The following ARRDC2 variants were observed in gnomAD, a reference collection of about 807,000 sequenced individuals.
ARRDC2 encodes the protein arrestin domain containing 2.
A neutral mutation model predicts 38.9 loss-of-function variants in ARRDC2; 39 were observed. The observed-to-expected ratio is 1.00, with a 90% confidence interval of 0.78 to 1.31. ARRDC2 has a LOEUF of 1.31. Among genes scored for constraint, ARRDC2 ranks in the 50% most tolerant of loss-of-function variants. The pLI is 0.00. For synonymous variants in ARRDC2, 300 were observed against 261.9 expected, an observed-to-expected ratio of 1.15 and a Z score of -1.41; for missense variants, 553 against 588.4, an observed-to-expected ratio of 0.94 and a Z score of 0.62.
upstream of ARRDC2, among the ~76,000 whole-genome samples, chr19:18,006,871 C>T (rs1227673547): frequency 6.6e-6 from 1 of 152,142 alleles, no homozygotes; most frequent in Non-Finnish European, 1.5e-5. Context: ...GGCCTACTGT[C>T]TCCCCTCTAG....
In ARRDC2 at chr19:18,008,180, T is replaced by C. The variant is rs2033321393; in HGVS notation, c.-131T>C. The C allele has an allele frequency of 3.3e-6, 4 of 1,216,916 alleles. No individual in the cohort carries two copies. The Admixed American group carries it at 1.2e-4, about 37-fold the overall frequency. The allele number at this position is 1,216,916 out of a possible 1,614,324, so 75.4% of individuals were successfully genotyped here. A position where few individuals can be genotyped will look rare whatever the true frequency, so the allele number is the denominator to read the frequency against. ...GACGCACGGCGCGGGGATTTTCTGC[T>C]CCGGTTGGTGAGCGCGCCTGCGCGT... On this transcript the variant is annotated 5_prime_UTR_variant, in exon 1 of 8. Transcript: ENST00000222250.
At position 18,009,712 on chromosome 19, in the gene ARRDC2, C is replaced by G; in HGVS notation, c.592+18C>G. 4 of 1,612,184 alleles carry G rather than the reference C, an allele frequency of 2.5e-6. No homozygotes were observed. The highest frequency in any genetic ancestry group is 2.5e-6 in the Non-Finnish European group (3 of 1,179,084). ...CACCCCAGGTAGCAGGCGGACCGGA[C>G]TGGGTTGGGACGGGGGCTGGTGTTG... On this transcript the variant is annotated intron_variant, in intron 4 of 7. Coordinates refer to ENST00000222250, the MANE Select transcript of ARRDC2 (RefSeq NM_015683.2).
upstream of ARRDC2, chr19:18,007,961 G>A (rs1197434984): frequency 2.3e-6 from 1 of 428,826 alleles, no homozygotes; most frequent in East Asian, 6.1e-5. Flanking sequence ...AGCTCTGGCA[G>A]CCTAAGGGCT....
chr19:18,004,245 CTTT>C (rs34248029), upstream of ARRDC2, among the ~76,000 whole-genome samples: 5 of 114,778 alleles, frequency 4.4e-5, no homozygotes, highest in Admixed American at 8.7e-5. Context: ...GCCGGGCTAA[CTTT>C]TTTTTTTTTT....
At chr19:18,005,624 A>AC (rs1462055998), upstream of ARRDC2, among the ~76,000 whole-genome samples, 69 of 143,058 alleles carry the variant, frequency 4.8e-4, 1 homozygote, top group South Asian at 1.8e-3. Context: ...TGGGGGGCTG[A>AC]CCCCCCGACC....
Position 18,012,978 on chromosome 19 carries a change from A to T in ARRDC2, c.*12A>T. On this transcript the variant is annotated 3_prime_UTR_variant, in exon 8 of 8. Coordinates refer to ENST00000222250, the MANE Select transcript of ARRDC2 (RefSeq NM_015683.2). ...GCATGACTTGCTGAACGGCACAGGG[A>T]CCCCTCGAGGAACAAGGTTGCACAC... 1 of 1,613,402 alleles carries T rather than the reference A, an allele frequency of 6.2e-7. No homozygotes were observed. The highest frequency in any genetic ancestry group is 8.5e-7 in the Non-Finnish European group (1 of 1,179,798).
upstream of ARRDC2, chr19:18,007,829 A>T (rs1306123439): frequency 9.5e-6 from 2 of 209,896 alleles, no homozygotes; most frequent in Non-Finnish European, 1.9e-5. Context: ...AGTCACGTCA[A>T]CGAGGGGCGG....
exon 1 of ARRDC2, chr19:18,001,295 C>T (rs1418777272): frequency 6.7e-6 from 8 of 1,195,810 alleles, no homozygotes; most frequent in African/African-American, 3.2e-5. Flanking sequence ...GTGTCCAAAC[C>T]GTGTCCCCAG....
upstream of ARRDC2, chr19:18,008,116 A>ACGCCCCCC: frequency 1.1e-5 from 6 of 522,496 alleles, no homozygotes; most frequent in Non-Finnish European, 1.2e-5. Flanking sequence ...AGAGACGGTG[A>ACGCCCCCC]CCCCACCCCC....
At chr19:18,010,810 T>G (rs557882420) in intron 7 of ARRDC2, 81 bp downstream of exon 7, 2 of 1,435,040 alleles carry the variant, frequency 1.4e-6, no homozygotes, top group South Asian at 2.5e-5. Flanking sequence ...AGTAGATGGG[T>G]TTTTTTTGTT....
chr19:18,011,957 T>A (rs1428352813), intron 7 of ARRDC2, among the ~76,000 whole-genome samples: 12,495 of 108,152 alleles, frequency 0.12, 459 homozygotes, highest in Non-Finnish European at 0.15. Flanking sequence ...TATATATTTT[T>A]TTTTTTTTTT....
At chr19:18,001,925 C>G in intron 1 of ARRDC2, among the ~76,000 whole-genome samples, 1 of 152,156 alleles carries the variant, frequency 6.6e-6, no homozygotes, top group South Asian at 2.1e-4. Context: ...ACACCCACCC[C>G]GCCCTGGTCA....
intron 6 of ARRDC2, 86 bp from the exon 7 acceptor site, chr19:18,010,486 G>C: frequency 6.4e-7 from 1 of 1,562,602 alleles, no homozygotes; most frequent in Admixed American, 1.8e-5. Flanking sequence ...CAGCCCCAGA[G>C]CTGGCACAAG....
intron 3 of ARRDC2, 146 bp from the exon 4 acceptor site, chr19:18,009,420 TTATAAGATGGGTTGTGTTCCTGGCTC>T: frequency 1.5e-6 from 1 of 659,068 alleles, no homozygotes; most frequent in Non-Finnish European, 2.6e-6. Flanking sequence ...ATTTCTGGCT[TTATAAGATGGGTTGTGTTCCTGGCTC>T]TATTTAACGG....
chr19:18,003,098 T>TCAAAAA (rs960345302), intron 1 of ARRDC2, among the ~76,000 whole-genome samples: 2 of 151,568 alleles, frequency 1.3e-5, no homozygotes, highest in African/African-American at 4.9e-5. Context: ...AAACTCCGTC[T>TCAAAAA]CAAAAACAAA....
Position 18,008,345 on chromosome 19 carries a change from A to T in ARRDC2, c.35A>T (p.Gln12Leu). 1 of 1,596,344 alleles carries T rather than the reference A, an allele frequency of 6.3e-7. No homozygotes were observed. Among genetic ancestry groups the T allele is most frequent in the Non-Finnish European group, 8.5e-7 (1 of 1,178,774 alleles). Residue 12 changes from glutamine (Q) to leucine (L), a missense_variant, in exon 1 of 8, where the codon CAG becomes CTG. By Grantham distance (113) the Gln-to-Leu change is moderately radical. Around this residue, in one of 3 missense-constraint regions of ARRDC2, gnomAD observed 447 missense variants for 456.6 expected, o/e 0.98. Transcript: ENST00000222250. ...GACAAGGTGAAAGCGTTCTCGGTGC[A>T]GTTGGACGGCGCGACCGCGGGCGTC... ...LFDKVKAFSV[Q>L]LDGATAGVEP...
chr19:18,010,012 CG>C lies in ARRDC2; in HGVS notation c.823del (p.Val275PhefsTer27). The C allele has an allele frequency of 6.3e-7, 1 of 1,596,740 alleles. No individual in the cohort carries two copies. The highest frequency in any genetic ancestry group is 8.5e-7 in the Non-Finnish European group (1 of 1,177,564). On this transcript the variant is annotated frameshift_variant, in exon 5 of 8. Transcript: ENST00000222250. LOFTEE classifies it high-confidence loss of function. ...PVGPSILHCR[V>X]LHVDYALKVC... ...TGGGTCCTTCCATCCTGCACTGCCG[CG>C]TTCTACACGTGGACTACGCACTCAA...
Position 18,009,100 on chromosome 19 carries a change from C to A in ARRDC2, c.471C>A (p.Ile157=), listed in dbSNP as rs772066786. The change falls in exon 3 of 8, where the codon ATC becomes ATA. Residue 157 remains isoleucine (I), a synonymous_variant. Coordinates refer to ENST00000222250, the MANE Select transcript of ARRDC2 (RefSeq NM_015683.2). Reference sequence around the variant, plus strand: ...TCACTGTCATCGAGCCTGTGGACATCAACACGCCAGCCCTGCTGGTGAGTG... The same window carrying A: ...TCACTGTCATCGAGCCTGTGGACATAAACACGCCAGCCCTGCTGGTGAGTG... ...KVFTVIEPVD[I]NTPALLAPQA... is the part of the protein sequence containing the mutation. The A allele has an allele frequency of 5.0e-6, 8 of 1,613,630 alleles. No individual in the cohort carries two copies. The highest frequency in any genetic ancestry group is 6.8e-6 in the Non-Finnish European group (8 of 1,179,974).
chr19:18,012,939 C>T lies in ARRDC2; in HGVS notation c.1197C>T (p.Asp399=), dbSNP rs761533398. 4 of 1,613,768 alleles carry T rather than the reference C, an allele frequency of 2.5e-6. No homozygotes were observed. Among genetic ancestry groups the T allele is most frequent in the Non-Finnish European group, 3.4e-6 (4 of 1,179,942 alleles). ...SEEDPNPLLG[D]MRPRCMTC ...AGGATCCAAACCCACTCTTGGGGGA[C>T]ATGAGGCCGCGCTGCATGACTTGCT... Residue 399 remains aspartate (D), a synonymous_variant, in exon 8 of 8, where the codon GAC becomes GAT. Transcript: ENST00000222250.
Sources: allele counts gnomAD v4.1 joint callset (sites outside exome capture counted in the v4.1 genomes callset), GRCh38; gene constraint gnomAD v4.1.1; regional missense constraint gnomAD v4.1.1; transcripts MANE v1.5; gene names NCBI Gene and HGNC (gene_info 2026-07-23, HGNC 2026-07-21).